IMMP2L: variants seen among roughly 807,000 people sequenced by gnomAD.
The protein encoded by IMMP2L is inner mitochondrial membrane peptidase subunit 2.
A neutral mutation model predicts 19.3 loss-of-function variants in IMMP2L; 18 were observed. The ratio of observed to expected loss-of-function variants is 0.93; its 90% CI spans 0.64 to 1.38. The LOEUF is 1.38. Ranked by LOEUF, IMMP2L falls within the 40% of genes most tolerant of loss-of-function variation. The pLI is 0.00. For missense variants in IMMP2L, 233 were observed against 218.2 expected (o/e 1.07, Z -0.43); for synonymous variants, 76 against 73.0 (o/e 1.04, Z -0.21).
intron 2 of IMMP2L, among the ~76,000 whole-genome samples, chr7:111,505,126 G>GA (rs1322627312): frequency 4.6e-5 from 7 of 150,834 alleles, no homozygotes; most frequent in Non-Finnish European, 8.9e-5. Flanking sequence ...AAATTTACAA[G>GA]AAAAAAAACA....
chr7:111,135,304 TA>T (rs1800656010), intron 3 of IMMP2L, among the ~76,000 whole-genome samples: 1 of 152,182 alleles, frequency 6.6e-6, no homozygotes. Flanking sequence ...TCATACATAT[TA>T]TGCCTGGGAT....
At chr7:111,241,929 T>A (rs1001209497) in intron 3 of IMMP2L, among the ~76,000 whole-genome samples, 17 of 152,076 alleles carry the variant, frequency 1.1e-4, no homozygotes, top group African/African-American at 4.1e-4. Flanking sequence ...GCAAAACATG[T>A]TGTTAAAGTT....
chr7:111,511,286 G>C (rs1845413360), intron 2 of IMMP2L, among the ~76,000 whole-genome samples: 1 of 151,904 alleles, frequency 6.6e-6, no homozygotes, highest in Non-Finnish European at 1.5e-5. Flanking sequence ...CTTTCTTTTT[G>C]CTTCTCATAT....
chr7:111,211,925 A>G (rs1429560125), intron 3 of IMMP2L, among the ~76,000 whole-genome samples: 1 of 152,160 alleles, frequency 6.6e-6, no homozygotes, highest in Non-Finnish European at 1.5e-5. Flanking sequence ...TGAACCCAGG[A>G]GGCGGAGCTT....
chr7:111,499,754 A>T (rs1843974942), intron 2 of IMMP2L, among the ~76,000 whole-genome samples: 1 of 152,080 alleles, frequency 6.6e-6, no homozygotes, highest in Admixed American at 6.5e-5. Flanking sequence ...TGGTTCCCTA[A>T]TTTATTGGTC....
intron 5 of IMMP2L, among the ~76,000 whole-genome samples, chr7:110,702,560 T>C (rs1474458153): frequency 6.6e-6 from 1 of 152,174 alleles, no homozygotes; most frequent in Non-Finnish European, 1.5e-5. Flanking sequence ...GAACACGGTA[T>C]ATTTTCCAAT....
intron 3 of IMMP2L, among the ~76,000 whole-genome samples, chr7:110,967,688 G>A (rs1190778370): frequency 2.0e-5 from 3 of 151,948 alleles, no homozygotes; most frequent in Admixed American, 6.6e-5. Context: ...AAGGAAAAAC[G>A]AATATTCTGG....
At chr7:111,332,107 G>A (rs1453453701) in intron 3 of IMMP2L, among the ~76,000 whole-genome samples, 3 of 151,650 alleles carry the variant, frequency 2.0e-5, no homozygotes, top group African/African-American at 7.3e-5. Flanking sequence ...AGGAACTAAA[G>A]AATATCAATA....
intron 3 of IMMP2L, among the ~76,000 whole-genome samples, chr7:111,211,440 G>A (rs1476476138): frequency 2.0e-5 from 3 of 152,190 alleles, no homozygotes; most frequent in South Asian, 2.1e-4. Flanking sequence ...TCAATGGGAG[G>A]AGTAGGAAAT....
At chr7:110,939,608 C>T (rs1211786336) in intron 4 of IMMP2L, among the ~76,000 whole-genome samples, 1 of 152,098 alleles carries the variant, frequency 6.6e-6, no homozygotes, top group Non-Finnish European at 1.5e-5. Flanking sequence ...GGAAGGTAAG[C>T]CAAATGACTT....
chr7:110,790,102 G>A (rs376923900), intron 5 of IMMP2L, among the ~76,000 whole-genome samples: 1 of 151,524 alleles, frequency 6.6e-6, no homozygotes, highest in Non-Finnish European at 1.5e-5. Context: ...TAGTCACTGG[G>A]CCTACAGTAG....
At chr7:111,432,405 T>C (rs1365023999) in intron 3 of IMMP2L, among the ~76,000 whole-genome samples, 1 of 151,732 alleles carries the variant, frequency 6.6e-6, no homozygotes, top group African/African-American at 2.4e-5. Flanking sequence ...GCAAGGATGG[T>C]TCAAAAGACA....
At chr7:110,690,110 A>G (rs914298557) in intron 5 of IMMP2L, among the ~76,000 whole-genome samples, 4 of 152,268 alleles carry the variant, frequency 2.6e-5, no homozygotes, top group Non-Finnish European at 4.4e-5. Context: ...CCAGGCTTCT[A>G]TCGTGGCACC....
rs1164885745 is a variant in IMMP2L at position 110,870,284 on chromosome 7, G to A, written c.408+16309C>T. The stretch of plus-strand genomic sequence containing the variant: ...TCCAAAGATGTCAGATGTCCTTCTT[G>A]TATACTTTCCACTGACTTCTTATTT... On this transcript the variant is annotated intron_variant, in intron 5 of 5. Transcript: ENST00000405709. The surrounding 1 kb of genome is among the most constrained non-coding windows in gnomAD (Gnocchi z 4.2). 1.3e-5 allele frequency among the ~76,000 whole-genome samples: 2 copies of A among 151,998 alleles called. No individual in the cohort carries two copies. The highest frequency in any genetic ancestry group is 2.9e-5 in the Non-Finnish European group (2 of 67,990).
intron 3 of IMMP2L, among the ~76,000 whole-genome samples, chr7:111,226,871 C>T (rs190486793): frequency 7.8e-4 from 119 of 151,850 alleles, no homozygotes; most frequent in Middle Eastern, 3.4e-3. Context: ...AGCAATAATA[C>T]GAAGGGACAG....
intron 3 of IMMP2L, among the ~76,000 whole-genome samples, chr7:111,438,763 G>A (rs1837438530): frequency 6.6e-6 from 1 of 151,806 alleles, no homozygotes; most frequent in South Asian, 2.1e-4. Context: ...TGACCAGTAA[G>A]ACTATCAGTT....
At chr7:110,724,785 A>G (rs530054557) in intron 5 of IMMP2L, among the ~76,000 whole-genome samples, 3 of 152,146 alleles carry the variant, frequency 2.0e-5, no homozygotes, top group Non-Finnish European at 4.4e-5. Flanking sequence ...GTTCACAAGA[A>G]CTAAACTAAA....
intron 3 of IMMP2L, among the ~76,000 whole-genome samples, chr7:111,312,386 T>C (rs973684916): frequency 2.0e-5 from 3 of 152,116 alleles, no homozygotes; most frequent in South Asian, 2.1e-4. Context: ...ATTCAACTTG[T>C]ACTGTGATTC....
At chr7:110,899,471 T>G (rs1481054802) in intron 4 of IMMP2L, among the ~76,000 whole-genome samples, 6 of 152,180 alleles carry the variant, frequency 3.9e-5, no homozygotes, top group Admixed American at 3.3e-4. Context: ...CATTCCATAT[T>G]TGGCAGCTAT....
Sources: allele counts gnomAD v4.1 joint callset (sites outside exome capture counted in the v4.1 genomes callset), GRCh38; gene constraint gnomAD v4.1.1; non-coding constraint Gnocchi (gnomAD v3.1); transcripts MANE v1.5; gene names NCBI Gene and HGNC (gene_info 2026-07-23, HGNC 2026-07-21).